NPHS1: variants seen among roughly 807,000 people sequenced by gnomAD.
NPHS1 encodes the protein nephrin.
A neutral mutation model predicts 139.7 loss-of-function variants in NPHS1; 107 were observed. That is an observed-to-expected ratio of 0.77 (90% CI 0.66 to 0.90). The LOEUF (loss-of-function observed/expected upper bound fraction) is 0.90, where lower values mean the gene tolerates loss of function less well. Ranked by LOEUF, NPHS1 falls within the 40% of genes least tolerant of loss-of-function variation. NPHS1 has a pLI of 0.00. For missense variants in NPHS1, 1,580 were observed against 1,654.2 expected, an observed-to-expected ratio of 0.96 and a Z score of 0.78; for synonymous variants, 707 against 706.6, an observed-to-expected ratio of 1.00 and a Z score of -0.01.
rs771640846 is a variant in NPHS1, at chr19:35,826,575, C to T, written c.3665G>A (p.Gly1222Glu). The change falls in exon 29 of 29, where the codon GGA (glycine) becomes GAA (glutamate). Residue 1222 changes from glycine to glutamate, a missense_variant. Coordinates refer to ENST00000378910, the MANE Select transcript of NPHS1 (RefSeq NM_004646.4). The part of the protein sequence containing the change: ...DPRGIYDQVA[G>E]DLDTLEPDSL... ...ATCGGGTTCCAGAGTGTCCAAGTCT[C>T]CGGCCACCTGGTCATAGATTCCTCT... 8.1e-6 allele frequency: 13 copies of T among 1,613,968 alleles called. No individual in the cohort carries two copies. Among genetic ancestry groups the T allele is most frequent in the Non-Finnish European group, 1.1e-5 (13 of 1,179,990 alleles).
Position 35,851,912 on chromosome 19 carries a change from C to T in NPHS1, c.-75G>A. On this transcript the variant is annotated 5_prime_UTR_variant, in exon 1 of 29. Transcript: ENST00000378910. ...CGTCTGTCTGGCTTTCTCTGGGTCCCTCTCTGTGTGTCTCTGCCACCTGCT... is the reference window on the plus strand; with the variant it reads ...CGTCTGTCTGGCTTTCTCTGGGTCCTTCTCTGTGTGTCTCTGCCACCTGCT... The T allele has an allele frequency of 7.6e-7, 1 of 1,312,276 alleles. No homozygotes were observed. The highest frequency in any genetic ancestry group is 1.1e-6 in the Non-Finnish European group (1 of 930,878). The allele number at this position is 1,312,276 out of a possible 1,614,324, so 81.3% of individuals were successfully genotyped here.
rs1973260435 is a variant in NPHS1 at position 35,851,494 on chromosome 19, G to T, written c.237C>A (p.Gly79=). 6.2e-7 allele frequency: 1 copy of T among 1,613,548 alleles called. No individual in the cohort carries two copies. Among genetic ancestry groups the T allele is most frequent in the Admixed American group, 1.7e-5 (1 of 60,002 alleles). ...LLLGPDPRIP[G]FPRYRLEGDP... ...CCCCTTCCAGGCGGTACCTCGGGAA[G>T]CCTGGGATCCTGGGGTCGGGGCCCA... The change falls in exon 2 of 29, where the codon GGC becomes GGA. Residue 79 remains glycine, a synonymous_variant. Transcript: ENST00000378910.
At position 35,851,368 on chromosome 19, in the gene NPHS1, G is replaced by A. The variant is rs767994137; in HGVS notation, c.291C>T (p.His97=). 4.3e-6 allele frequency: 7 copies of A among 1,613,318 alleles called. No individual in the cohort carries two copies. The Admixed American group carries it at 1.0e-4, about 23-fold the overall frequency. Residue 97 remains histidine (H), a synonymous_variant, in exon 3 of 29, where the codon CAC becomes CAT. Transcript: ENST00000378910. ...GDPARGEFHL[H]IEACDLSDDA... ...CATCGCTGAGGTCACAGGCCTCGATGTGCAGGTGGAATTCACCTGCAGGGG... is the reference window on the plus strand; with the variant it reads ...CATCGCTGAGGTCACAGGCCTCGATATGCAGGTGGAATTCACCTGCAGGGG...
chr19:35,833,685 A>C (rs2146809907), intron 23 of NPHS1, among the ~76,000 whole-genome samples: 1 of 152,090 alleles, frequency 6.6e-6, no homozygotes. Flanking sequence ...TTTTTATTTC[A>C]TATACCAAGA....
rs1034469168 is a variant in NPHS1 at position 35,830,950 on chromosome 19, G to A, written c.3488C>T (p.Thr1163Ile). 2.5e-6 allele frequency: 4 copies of A among 1,612,364 alleles called. No homozygotes were observed. The African/African-American group carries it at 5.3e-5, about 22-fold the overall frequency. ...GAAGGCCATATCCTCATCTTCACCT[G>A]TGAAACCTGGAGTTGGAGTGGAAGG... ...QEEVSYSRGF[T>I]GEDEDMAFPG... The change falls in exon 28 of 29, where the codon ACA (threonine) becomes ATA (isoleucine). Residue 1163 changes from threonine to isoleucine, a missense_variant. Physicochemically the swap from Thr to Ile is moderately conservative, Grantham distance 89. Coordinates refer to ENST00000378910, the MANE Select transcript of NPHS1 (RefSeq NM_004646.4).
Position 35,826,482 on chromosome 19 carries a change from G to A in NPHS1, c.*32C>T, listed in dbSNP as rs762712279. The A allele has an allele frequency of 7.4e-6, 12 of 1,612,480 alleles. No individual in the cohort carries two copies. Among genetic ancestry groups the A allele is most frequent in the Non-Finnish European group, 1.0e-5 (12 of 1,179,612 alleles). On this transcript the variant is annotated 3_prime_UTR_variant, in exon 29 of 29. Coordinates refer to ENST00000378910, the MANE Select transcript of NPHS1 (RefSeq NM_004646.4). ...AGAGACCAGTGGAGTGTAAATTCCT[G>A]CAGGTGCAGGACAATGGGGTTGAGA...
At chr19:35,829,899 TG>T in intron 28 of NPHS1, among the ~76,000 whole-genome samples, 2 of 152,022 alleles carry the variant, frequency 1.3e-5, no homozygotes, top group East Asian at 3.9e-4. Flanking sequence ...CTCCAATACC[TG>T]GGCTCAAGCA....
In NPHS1 at chr19:35,849,770, G is replaced by A. The variant is rs192147135; in HGVS notation, c.609-117C>T. ...CACACCTGGTCTAAGTCCCCATGCT[G>A]ATCTCCTCTGGGATCCAGGGTTCCA... On this transcript the variant is annotated intron_variant, in intron 5 of 28. Coordinates refer to ENST00000378910, the MANE Select transcript of NPHS1 (RefSeq NM_004646.4). 7.7e-5 allele frequency: 58 copies of A among 757,352 alleles called. No homozygotes were observed. In the African/African-American group the frequency reaches 8.0e-4, roughly 10 times the overall value. 46.9% of individuals were successfully genotyped at this position (757,352 alleles called of 1,614,324 possible).
intron 19 of NPHS1, 106 bp from the exon 20 acceptor site, chr19:35,841,972 A>T: frequency 4.2e-6 from 6 of 1,413,636 alleles, no homozygotes; most frequent in Non-Finnish European, 5.9e-6. Context: ...CTATCTATCC[A>T]TTCATCCATT....
At chr19:35,839,468 C>A (rs1973022500) in intron 21 of NPHS1, 28 bp downstream of exon 21, 1 of 1,613,868 alleles carries the variant, frequency 6.2e-7, no homozygotes, top group Admixed American at 1.7e-5. Flanking sequence ...AGCCCATTCC[C>A]TTCCCTCCTG....
At position 35,846,067 on chromosome 19, in the gene NPHS1, T is replaced by C. The variant is rs765342388; in HGVS notation, c.1568A>G (p.Gln523Arg). The C allele has an allele frequency of 6.3e-7, 1 of 1,596,042 alleles. No individual in the cohort carries two copies. ...LVLVTGPSDN[Q>R]AKFTCKAGQL... ...TCCAGCCTTGCACGTGAACTTGGCCTGGTTGTCCGACGGCCCTGTGACCAG... is the reference window on the plus strand; with the variant it reads ...TCCAGCCTTGCACGTGAACTTGGCCCGGTTGTCCGACGGCCCTGTGACCAG... The change falls in exon 12 of 29, where the codon CAG (glutamine) becomes CGG (arginine). Residue 523 changes from glutamine (Q) to arginine (R), a missense_variant. Transcript: ENST00000378910.
intron 23 of NPHS1, among the ~76,000 whole-genome samples, chr19:35,833,150 T>C (rs1270429916): frequency 6.6e-6 from 1 of 151,690 alleles, no homozygotes; most frequent in Non-Finnish European, 1.5e-5. Context: ...CACCTTGGCG[T>C]CCCAAAGTGC....
intron 17 of NPHS1, 73 bp downstream of exon 17, chr19:35,843,399 T>C: frequency 6.3e-7 from 1 of 1,580,006 alleles, no homozygotes; most frequent in East Asian, 2.2e-5. Flanking sequence ...TGGTCCCCAC[T>C]CCCAAGGAAC....
Position 35,841,758 on chromosome 19 carries a change from G to A in NPHS1, c.2772C>T (p.Asn924=), listed in dbSNP as rs768317046. ...TGTTGGTTTGGTCCGAGCCAAGGGC[G>A]TTGGTGGCTGTACATGTGAAGAGGG... ...DYALFTCTAT[N]ALGSDQTNIQ... The change falls in exon 20 of 29, where the codon AAC becomes AAT. Residue 924 remains asparagine (N), a synonymous_variant. Coordinates refer to ENST00000378910, the MANE Select transcript of NPHS1 (RefSeq NM_004646.4). The A allele has an allele frequency of 1.5e-5, 24 of 1,614,048 alleles. No homozygotes were observed. Among genetic ancestry groups the A allele is most frequent in the African/African-American group, 4.0e-5 (3 of 74,924 alleles).
rs1973020272 is a variant in NPHS1, at chr19:35,839,351, T to C, written c.2995A>G (p.Thr999Ala). ...GTAGAAGGCTGTAGACCAGTCAGCGTGAAGGTGGTGGCCTGGGGTGGTACG... is the reference window on the plus strand; with the variant it reads ...GTAGAAGGCTGTAGACCAGTCAGCGCGAAGGTGGTGGCCTGGGGTGGTACG... ...DVVPPQATTF[T>A]LTGLQPSTRY... The change falls in exon 22 of 29, where the codon ACG (threonine) becomes GCG (alanine). Residue 999 changes from threonine (T) to alanine (A), a missense_variant. Transcript: ENST00000378910. The C allele has an allele frequency of 6.2e-7, 1 of 1,614,172 alleles. No homozygotes were observed. The highest frequency in any genetic ancestry group is 1.3e-5 in the African/African-American group (1 of 75,028).
rs767372610 is a variant in NPHS1 at position 35,831,123 on chromosome 19, C to G, written c.3411G>C (p.Pro1137=). ...SSTVSTTEAE[P]YYRSLRDFSP... ...TGAAGTCCCTCAGGGAGCGGTAATA[C>G]GGCTCTGCCTCTGTTGTGCTGACCT... is the stretch of plus-strand genomic sequence containing the variant. The change falls in exon 27 of 29, where the codon CCG becomes CCC. Residue 1137 remains proline (P), a synonymous_variant. Transcript: ENST00000378910. 1.2e-6 allele frequency: 2 copies of G among 1,614,006 alleles called. No homozygotes were observed. The highest frequency in any genetic ancestry group is 1.7e-5 in the Admixed American group (1 of 60,012).
At chr19:35,844,271 G>A (rs1450928531) in intron 15 of NPHS1, 28 bp from the exon 16 acceptor site, 3 of 1,613,776 alleles carry the variant, frequency 1.9e-6, no homozygotes, top group South Asian at 1.1e-5. Flanking sequence ...AAGGGACCTG[G>A]CAGGACCTCC....
In NPHS1 at chr19:35,852,056, T is replaced by A. The variant is rs1599849131; in HGVS notation, c.-219A>T. 6.6e-6 allele frequency among the ~76,000 whole-genome samples: 1 copy of A among 151,840 alleles called. No individual in the cohort carries two copies. The highest frequency in any genetic ancestry group is 6.6e-5 in the Admixed American group (1 of 15,248). On this transcript the variant is annotated 5_prime_UTR_variant, in exon 1 of 29. Coordinates refer to ENST00000378910, the MANE Select transcript of NPHS1 (RefSeq NM_004646.4). ...CTCAATCTCTGAGTCTCTTTCTCTG[T>A]CTCTTTAAAAAAACTTTTTTTTCTT...
chr19:35,839,420 TG>T lies in NPHS1; in HGVS notation c.2928-3del. 6.2e-7 allele frequency: 1 copy of T among 1,614,114 alleles called. No individual in the cohort carries two copies. Among genetic ancestry groups the T allele is most frequent in the Non-Finnish European group, 8.5e-7 (1 of 1,179,972 alleles). On this transcript the variant is annotated splice_polypyrimidine_tract_variant and splice_region_variant and intron_variant, in intron 21 of 28. Transcript: ENST00000378910. ...CCTGGAGTCCCCAGGGCCTCATACCTGCAGGACAGGGGGATAGTAAATTCAG... is the reference window on the plus strand; with the variant it reads ...CCTGGAGTCCCCAGGGCCTCATACCTCAGGACAGGGGGATAGTAAATTCAG...
Sources: gnomAD v4.1 joint callset for allele counts (sites outside exome capture counted in the v4.1 genomes callset) on GRCh38, gnomAD v4.1.1 for gene constraint, MANE v1.5 for transcripts, NCBI Gene and HGNC (gene_info 2026-07-23, HGNC 2026-07-21) for gene names.